Variants in STX17 observed in about 807,000 individuals in gnomAD.
The protein encoded by STX17 is syntaxin-17.
In STX17, 29 loss-of-function variants were observed where a neutral mutation model predicts 35.9. The observed-to-expected ratio is 0.81, with a 90% CI of 0.60 to 1.10. STX17 has a LOEUF of 1.10. Among genes scored for constraint, STX17 ranks in the 50% least tolerant of loss-of-function variants. The pLI is 0.00. For missense variants in STX17, 312 were observed against 352.3 expected, an observed-to-expected ratio of 0.89 and a Z score of 0.92; for synonymous variants, 92 against 118.3, an observed-to-expected ratio of 0.78 and a Z score of 1.44.
chr9:99,930,639 T>G (rs1396852413), intron 3 of STX17, among the ~76,000 whole-genome samples: 12 of 152,210 alleles, frequency 7.9e-5, no homozygotes, highest in African/African-American at 2.9e-4. Flanking sequence ...TTTCTAGGCT[T>G]GTTGTGCAGC....
chr9:99,912,694 C>T (rs1828688644), intron 1 of STX17, among the ~76,000 whole-genome samples: 1 of 152,048 alleles, frequency 6.6e-6, no homozygotes, highest in Non-Finnish European at 1.5e-5. Context: ...CCAATAATAG[C>T]CAATTTGTAA....
chr9:99,938,784 C>G (rs1829289932), intron 3 of STX17, among the ~76,000 whole-genome samples: 1 of 110,786 alleles, frequency 9.0e-6, no homozygotes, highest in Non-Finnish European at 1.7e-5. Flanking sequence ...GAGACCTTGT[C>G]TGGAAGGAAG....
chr9:99,955,851 A>G (rs1830454), intron 4 of STX17, among the ~76,000 whole-genome samples: 105,705 of 151,848 alleles, frequency 0.7, 37,089 homozygotes, highest in African/African-American at 0.75. Context: ...TGAAACAGTT[A>G]CAATTTTTTA....
intron 4 of STX17, among the ~76,000 whole-genome samples, chr9:99,952,058 TC>T (rs1406204966): frequency 1.3e-5 from 2 of 152,100 alleles, no homozygotes; most frequent in African/African-American, 4.8e-5. Context: ...GCCCTTGTTT[TC>T]TTTTTTTGTT....
intron 1 of STX17, among the ~76,000 whole-genome samples, chr9:99,908,255 G>C (rs977675963): frequency 3.5e-5 from 3 of 85,556 alleles, no homozygotes; most frequent in African/African-American, 9.7e-5. Flanking sequence ...TTGACATCTT[G>C]GGGGGGAGCT....
Position 99,968,795 on chromosome 9 carries a change from G to C in STX17, c.*122G>C, listed in dbSNP as rs1829970826. On this transcript the variant is annotated 3_prime_UTR_variant, in exon 8 of 8. Transcript: ENST00000259400. The stretch of plus-strand genomic sequence containing the variant: ...AGATAGTGGCTACTGATGTTCAAGT[G>C]GGATTGAAGTGTGATAAATGGATAT... 29 of 1,430,126 alleles carry C rather than the reference G, an allele frequency of 2.0e-5. No individual in the cohort carries two copies. Among genetic ancestry groups the C allele is most frequent in the Admixed American group, 4.4e-5 (2 of 45,354 alleles). 88.6% of individuals were successfully genotyped at this position (1,430,126 alleles called of 1,614,324 possible). A position where few individuals can be genotyped will look rare whatever the true frequency, so the allele number is the denominator to read the frequency against.
At chr9:99,927,023 T>A (rs1274611187) in intron 2 of STX17, among the ~76,000 whole-genome samples, 1 of 152,220 alleles carries the variant, frequency 6.6e-6, no homozygotes, top group African/African-American at 2.4e-5. Flanking sequence ...TTCCCTCACA[T>A]GCATGTGTGG....
At chr9:99,908,859 A>C (rs1564054903) in intron 1 of STX17, among the ~76,000 whole-genome samples, 1 of 152,220 alleles carries the variant, frequency 6.6e-6, no homozygotes, top group Non-Finnish European at 1.5e-5. Context: ...CCATGCATAC[A>C]CAAAGATCTA....
In STX17 at chr9:99,915,326, G is replaced by A. The variant is rs753226030; in HGVS notation, c.87G>A (p.Leu29=). 2 of 1,610,814 alleles carry A rather than the reference G, an allele frequency of 1.2e-6. No individual in the cohort carries two copies. The highest frequency in any genetic ancestry group is 2.2e-5 in the South Asian group (2 of 90,510). ...KFIKIVIPTD[L]ERLRKHQINI... ...TTAAGATAGTAATCCCAACAGACCT[G>A]GAAAGGTTAAGAAAGCACCAGATAA... Residue 29 remains leucine (L), a synonymous_variant, in exon 2 of 8, where the codon CTG becomes CTA. Transcript: ENST00000259400.
chr9:99,932,939 A>G (rs1202564679), intron 3 of STX17, among the ~76,000 whole-genome samples: 1 of 152,210 alleles, frequency 6.6e-6, no homozygotes. Flanking sequence ...CTTGATAAAA[A>G]TAAGTTCTTA....
chr9:99,915,079 T>C, intron 1 of STX17, 99 bp from the exon 2 acceptor site: 1 of 731,640 alleles, frequency 1.4e-6, no homozygotes, highest in Non-Finnish European at 1.9e-6. Context: ...AGAAATATTC[T>C]ATTTATTGAT....
chr9:99,938,866 TGAG>T (rs778399843), intron 3 of STX17, among the ~76,000 whole-genome samples: 11 of 150,404 alleles, frequency 7.3e-5, no homozygotes, highest in Admixed American at 6.0e-4. Flanking sequence ...GCTATCGGCC[TGAG>T]ATTTTTCTTC....
Position 99,951,930 on chromosome 9 carries a change from A to G in STX17, c.415+645A>G, listed in dbSNP as rs181630170. Among the ~76,000 whole-genome samples, 9 of 152,148 alleles carry G rather than the reference A, an allele frequency of 5.9e-5. No individual in the cohort carries two copies. The East Asian group carries it at 7.7e-4, about 13-fold the overall frequency. On this transcript the variant is annotated intron_variant, in intron 4 of 7. Transcript: ENST00000259400. ...TTTTTTAAAATCTTTTGGGTATTCA[A>G]TGGAATAACTGATAAGGTTTTCCTA...
intron 3 of STX17, among the ~76,000 whole-genome samples, chr9:99,946,568 T>G (rs1357899056): frequency 6.6e-6 from 1 of 152,194 alleles, no homozygotes; most frequent in Non-Finnish European, 1.5e-5. Flanking sequence ...TAGCATATTT[T>G]CATTTCTGTT....
chr9:99,933,708 G>A (rs1564064550), intron 3 of STX17, among the ~76,000 whole-genome samples: 1 of 152,122 alleles, frequency 6.6e-6, no homozygotes, highest in Non-Finnish European at 1.5e-5. Flanking sequence ...CCAATAGGTG[G>A]AGTCTAATTT....
chr9:99,945,752 TTCA>T (rs1276076950), intron 3 of STX17: 3 of 402,070 alleles, frequency 7.5e-6, no homozygotes, highest in Non-Finnish European at 1.5e-5. Flanking sequence ...CTCCAAGGAT[TTCA>T]TCAACTGTGG....
At chr9:99,950,728 G>A (rs957402143) in intron 3 of STX17, among the ~76,000 whole-genome samples, 1 of 151,968 alleles carries the variant, frequency 6.6e-6, no homozygotes, top group Non-Finnish European at 1.5e-5. Context: ...GGAGTATTGA[G>A]TTAAGAGGGG....
intron 1 of STX17, among the ~76,000 whole-genome samples, chr9:99,910,188 G>A (rs1320946319): frequency 6.6e-6 from 1 of 150,494 alleles, no homozygotes; most frequent in Non-Finnish European, 1.5e-5. Flanking sequence ...AGCTGAGATC[G>A]CACCACTTCA....
intron 4 of STX17, among the ~76,000 whole-genome samples, chr9:99,951,489 T>G (rs1262202707): frequency 6.6e-6 from 1 of 152,046 alleles, no homozygotes. Context: ...GCTATGCTTA[T>G]GGAGTGGGAC....
Sources: allele counts gnomAD v4.1 joint callset (sites outside exome capture counted in the v4.1 genomes callset), GRCh38; gene constraint gnomAD v4.1.1; transcripts MANE v1.5; gene names NCBI Gene and HGNC (gene_info 2026-07-23, HGNC 2026-07-21).